ARHGEF10: variants seen among roughly 807,000 people sequenced by gnomAD.
ARHGEF10 encodes Rho guanine nucleotide exchange factor (GEF) 10.
In ARHGEF10, 140 loss-of-function variants were observed where a neutral mutation model predicts 147.4. The ratio of observed to expected loss-of-function variants is 0.95; its 90% CI spans 0.83 to 1.09. The LOEUF (loss-of-function observed/expected upper bound fraction) is 1.09. Ranked by LOEUF, ARHGEF10 falls within the 50% of genes least tolerant of loss-of-function variation. ARHGEF10 has a pLI of 0.00. For missense variants in ARHGEF10, 2,222 were observed against 1,752.7 expected (o/e 1.27, Z -4.78); for synonymous variants, 902 against 695.8 (o/e 1.30, Z -4.67).
At chr8:1,840,514 T>C in intron 1 of ARHGEF10, among the ~76,000 whole-genome samples, 1 of 147,432 alleles carries the variant, frequency 6.8e-6, no homozygotes, top group Non-Finnish European at 1.5e-5. Context: ...GACTGTCCGG[T>C]GTGGAATCTG....
chr8:1,891,189 G>A (rs1475785053), intron 11 of ARHGEF10, among the ~76,000 whole-genome samples: 11 of 152,130 alleles, frequency 7.2e-5, no homozygotes, highest in Non-Finnish European at 1.5e-4. Context: ...GCAGTATTTA[G>A]GATTTCTGCA....
chr8:1,920,207 A>G (rs1378153464), intron 18 of ARHGEF10, among the ~76,000 whole-genome samples: 1 of 152,228 alleles, frequency 6.6e-6, no homozygotes, highest in Non-Finnish European at 1.5e-5. Flanking sequence ...AAATATATAG[A>G]GCCGCACACC....
At chr8:1,875,690 A>T (rs1282679659) in intron 7 of ARHGEF10, among the ~76,000 whole-genome samples, 3 of 152,200 alleles carry the variant, frequency 2.0e-5, no homozygotes, top group Non-Finnish European at 2.9e-5. Context: ...TATTACAAGG[A>T]TAGGGTAATT....
At chr8:1,932,260 G>C (rs910859324) in intron 25 of ARHGEF10, among the ~76,000 whole-genome samples, 10 of 19,548 alleles carry the variant, frequency 5.1e-4, no homozygotes, top group Non-Finnish European at 3.0e-4. Context: ...TGTATGCACA[G>C]GAGTGTGAGG....
chr8:1,911,967 C>T (rs960700078), intron 18 of ARHGEF10, among the ~76,000 whole-genome samples: 2 of 152,242 alleles, frequency 1.3e-5, no homozygotes, highest in Non-Finnish European at 2.9e-5. Flanking sequence ...CAGAAATTCT[C>T]ATTCTCAGTC....
intron 26 of ARHGEF10, among the ~76,000 whole-genome samples, chr8:1,944,916 C>A (rs1358344848): frequency 6.6e-6 from 1 of 152,242 alleles, no homozygotes; most frequent in African/African-American, 2.4e-5. Context: ...CAGGCCCAGG[C>A]ACCCGTGGGA....
chr8:1,953,388 G>T (rs1815218913), intron 28 of ARHGEF10, among the ~76,000 whole-genome samples: 1 of 151,554 alleles, frequency 6.6e-6, no homozygotes, highest in Non-Finnish European at 1.5e-5. Context: ...TTTCCTTTCT[G>T]TATTTTATAT....
At chr8:1,881,911 A>G (rs974392627) in intron 9 of ARHGEF10, among the ~76,000 whole-genome samples, 2 of 152,202 alleles carry the variant, frequency 1.3e-5, no homozygotes, top group African/African-American at 2.4e-5. Context: ...TCCAGTGGCC[A>G]GTACCTCAGA....
intron 18 of ARHGEF10, among the ~76,000 whole-genome samples, chr8:1,916,646 C>T (rs528771510): frequency 6.6e-6 from 1 of 152,196 alleles, no homozygotes; most frequent in East Asian, 1.9e-4. Context: ...GGGATCACTA[C>T]TGGTTCATAA....
intron 15 of ARHGEF10, 69 bp from the exon 16 acceptor site, chr8:1,903,212 G>A (rs886147160): frequency 1.3e-6 from 2 of 1,577,686 alleles, no homozygotes; most frequent in Non-Finnish European, 1.7e-6. Context: ...CAGCTGGCGG[G>A]TGACGCGACT....
chr8:1,845,719 C>T (rs1156296624), intron 2 of ARHGEF10, among the ~76,000 whole-genome samples: 2 of 152,214 alleles, frequency 1.3e-5, no homozygotes, highest in Admixed American at 1.3e-4. Context: ...CTCTGCCCAG[C>T]GGTACCACCA....
At chr8:1,834,408 G>A (rs978417698) in intron 1 of ARHGEF10, among the ~76,000 whole-genome samples, 15 of 152,164 alleles carry the variant, frequency 9.9e-5, no homozygotes, top group Admixed American at 9.2e-4. Context: ...AGGTAGCAGA[G>A]CTGGAGACAC....
intron 26 of ARHGEF10, among the ~76,000 whole-genome samples, chr8:1,942,163 T>C (rs1814147845): frequency 6.7e-6 from 1 of 150,166 alleles, no homozygotes; most frequent in Admixed American, 6.7e-5. Context: ...AAGGACACTA[T>C]CAGCAGGGTG....
intron 18 of ARHGEF10, among the ~76,000 whole-genome samples, chr8:1,913,752 G>A (rs540446256): frequency 2.0e-5 from 3 of 152,334 alleles, no homozygotes; most frequent in Non-Finnish European, 2.9e-5. Context: ...GGCCCATTCC[G>A]CTTTCTGTCC....
intron 27 of ARHGEF10, 33 bp from the exon 28 acceptor site, chr8:1,952,672 C>T: frequency 6.2e-7 from 1 of 1,612,490 alleles, no homozygotes; most frequent in Non-Finnish European, 8.5e-7. Flanking sequence ...CTACACAAAC[C>T]AGACCCGAAG....
chr8:1,889,273 AAT>A lies in ARHGEF10; in HGVS notation c.1182+3567_1182+3568del, dbSNP rs1809165359. 8.5e-5 allele frequency among the ~76,000 whole-genome samples: 5 copies of A among 58,820 alleles called. 1 individual carries two copies. The highest frequency in any genetic ancestry group is 4.2e-4 in the African/African-American group (4 of 9,574). 38.6% of individuals were successfully genotyped at this position (58,820 alleles called of 152,430 possible). A position where few individuals can be genotyped will look rare whatever the true frequency, so the allele number is the denominator to read the frequency against. ...GGATGAGAGGTGTGAGGAGACACTGAATGTGGTGAGGGTTTGTGAGGAGATAC... is the reference window on the plus strand; with the variant it reads ...GGATGAGAGGTGTGAGGAGACACTGAGTGGTGAGGGTTTGTGAGGAGATAC... On this transcript the variant is annotated intron_variant, in intron 11 of 28. Transcript: ENST00000349830.
chr8:1,925,013 G>C (rs1334972049), intron 21 of ARHGEF10, among the ~76,000 whole-genome samples: 1 of 152,216 alleles, frequency 6.6e-6, no homozygotes, highest in Non-Finnish European at 1.5e-5. Flanking sequence ...ACGTTTGGCA[G>C]CCTTTGGGTC....
At chr8:1,867,968 C>G (rs1447442975) in intron 6 of ARHGEF10, among the ~76,000 whole-genome samples, 1 of 152,136 alleles carries the variant, frequency 6.6e-6, no homozygotes, top group Non-Finnish European at 1.5e-5. Context: ...AAATTATTGT[C>G]TTGGCTGTTT....
chr8:1,848,870 T>G (rs921138694), intron 2 of ARHGEF10, among the ~76,000 whole-genome samples: 1 of 152,236 alleles, frequency 6.6e-6, no homozygotes, highest in Non-Finnish European at 1.5e-5. Context: ...GCAGTTTTTT[T>G]CCCTGACAAA....
Sources: allele counts gnomAD v4.1 joint callset (sites outside exome capture counted in the v4.1 genomes callset), GRCh38; gene constraint gnomAD v4.1.1; transcripts MANE v1.5; gene names NCBI Gene and HGNC (gene_info 2026-07-23, HGNC 2026-07-21).